PAM: variants seen among roughly 807,000 people sequenced by gnomAD.
PAM encodes the protein peptidylglycine alpha-amidating monooxygenase.
A neutral mutation model predicts 122.1 loss-of-function variants in PAM; 72 were observed. The observed-to-expected ratio is 0.59, with a 90% confidence interval of 0.49 to 0.72. The LOEUF is 0.72. Ranked by LOEUF, PAM falls within the 30% of genes least tolerant of loss-of-function variation. The pLI, the probability that PAM is intolerant of heterozygous loss-of-function variation, is 0.00. For missense variants in PAM, 1,106 were observed against 1,183.7 expected (o/e 0.93, Z 0.96); for synonymous variants, 389 against 404.4 (o/e 0.96, Z 0.46).
chr5:102,871,924 T>G (rs994036821), intron 3 of PAM, among the ~76,000 whole-genome samples: 11 of 151,960 alleles, frequency 7.2e-5, no homozygotes, highest in Non-Finnish European at 1.5e-4. Flanking sequence ...GTTCTTAGCT[T>G]AAGAACTTAC....
chr5:102,885,760 C>T (rs977543210), intron 3 of PAM, among the ~76,000 whole-genome samples: 1 of 151,944 alleles, frequency 6.6e-6, no homozygotes, highest in African/African-American at 2.4e-5. Context: ...TACTATCTAA[C>T]CTTTATTTAA....
At chr5:102,784,990 G>A (rs1176201976) in intron 1 of PAM, among the ~76,000 whole-genome samples, 3 of 152,178 alleles carry the variant, frequency 2.0e-5, no homozygotes, top group South Asian at 2.1e-4. Flanking sequence ...AGCAATGCCC[G>A]CATATAATTG....
rs578211435 is a variant in PAM, at chr5:102,961,620, GA to G, written c.1162+398del. On this transcript the variant is annotated intron_variant, in intron 14 of 25. Coordinates refer to ENST00000438793, the MANE Select transcript of PAM (RefSeq NM_001177306.2). ...TTCATTAAGTAGATTTGAGATTCAAGAAAAAAAGAAATTAAGAATTAAATCC... is the reference window on the plus strand; with the variant it reads ...TTCATTAAGTAGATTTGAGATTCAAGAAAAAAGAAATTAAGAATTAAATCC... Among the ~76,000 whole-genome samples the G allele has an allele frequency of 3.2e-3, 486 of 151,846 alleles. 2 individuals carry two copies. Among genetic ancestry groups the G allele is most frequent in the South Asian group, 0.015 (74 of 4,816 alleles).
chr5:102,996,307 G>A (rs769904923), intron 16 of PAM, among the ~76,000 whole-genome samples: 6 of 152,062 alleles, frequency 3.9e-5, no homozygotes, highest in Non-Finnish European at 8.8e-5. Context: ...AAATGTTCAG[G>A]GTATTATTAT....
At position 102,866,069 on chromosome 5, in the gene PAM, C is replaced by A; in HGVS notation, c.-127C>A. The A allele has an allele frequency of 1.8e-6, 1 of 548,694 alleles. No individual in the cohort carries two copies. The highest frequency in any genetic ancestry group is 3.1e-6 in the Non-Finnish European group (1 of 321,706). The allele number at this position is 548,694 out of a possible 1,614,324, so 34.0% of individuals were successfully genotyped here. A position where few individuals can be genotyped will look rare whatever the true frequency, so the allele number is the denominator to read the frequency against. On this transcript the variant is annotated 5_prime_UTR_variant, in exon 2 of 26. Transcript: ENST00000438793. The stretch of plus-strand genomic sequence containing the variant: ...CTCGCTGGCGGATGGTGTGTGGCCG[C>A]CGCAGGACGCCCGCCGTGCCCGGGC...
intron 14 of PAM, among the ~76,000 whole-genome samples, chr5:102,967,378 AATAAAATT>A (rs2150341377): frequency 6.6e-6 from 1 of 152,334 alleles, no homozygotes; most frequent in East Asian, 1.9e-4. Flanking sequence ...AAAGTTAGGG[AATAAAATT>A]TAAAAATGGG....
intron 22 of PAM, among the ~76,000 whole-genome samples, chr5:103,018,245 T>G (rs1331358676): frequency 6.6e-6 from 1 of 151,938 alleles, no homozygotes; most frequent in Non-Finnish European, 1.5e-5. Context: ...ACAGGTAGTT[T>G]TAGATAAAGG....
intron 1 of PAM, among the ~76,000 whole-genome samples, chr5:102,782,719 C>CTGTGTG (rs1309390837): frequency 1.6e-4 from 24 of 146,030 alleles, no homozygotes; most frequent in African/African-American, 4.3e-4. Context: ...CTCTCTCTCT[C>CTGTGTG]TCTCTCTGTG....
intron 14 of PAM, among the ~76,000 whole-genome samples, chr5:102,964,558 A>C (rs1197882400): frequency 6.6e-6 from 1 of 151,890 alleles, no homozygotes; most frequent in Non-Finnish European, 1.5e-5. Context: ...GTCTGTAGGG[A>C]TTTCTTTAAA....
intron 1 of PAM, among the ~76,000 whole-genome samples, chr5:102,764,556 G>A (rs968577934): frequency 6.6e-6 from 1 of 152,120 alleles, no homozygotes; most frequent in Non-Finnish European, 1.5e-5. Flanking sequence ...GGAATACCAA[G>A]AAGGCCAGTA....
intron 15 of PAM, among the ~76,000 whole-genome samples, chr5:102,980,108 A>C (rs1769250828): frequency 6.6e-6 from 1 of 152,142 alleles, no homozygotes; most frequent in Non-Finnish European, 1.5e-5. Flanking sequence ...ACATGTTCTC[A>C]ACTCCAGATT....
chr5:102,922,297 G>A (rs1161092079), intron 5 of PAM, among the ~76,000 whole-genome samples: 1 of 152,100 alleles, frequency 6.6e-6, no homozygotes, highest in Non-Finnish European at 1.5e-5. Context: ...GGTGGATGGG[G>A]GTCGGAGAAC....
At chr5:102,755,760 A>G (rs1750051970) in intron 1 of PAM, among the ~76,000 whole-genome samples, 1 of 151,732 alleles carries the variant, frequency 6.6e-6, no homozygotes, top group South Asian at 2.1e-4. Context: ...ACGCCTAGAA[A>G]GCCTCCTCGG....
intron 1 of PAM, among the ~76,000 whole-genome samples, chr5:102,759,933 T>G (rs1041136947): frequency 2.6e-5 from 4 of 152,072 alleles, no homozygotes; most frequent in African/African-American, 9.7e-5. Flanking sequence ...ACCGTGGTCA[T>G]AGGAAGAAAT....
At chr5:102,940,115 TACACACACAC>T (rs66466018) in intron 7 of PAM, among the ~76,000 whole-genome samples, 58 of 134,456 alleles carry the variant, frequency 4.3e-4, no homozygotes, top group African/African-American at 1.3e-3. Context: ...TATGTATACA[TACACACACAC>T]ACACACACAC....
At chr5:102,815,680 A>G (rs912442540) in intron 1 of PAM, among the ~76,000 whole-genome samples, 1 of 152,170 alleles carries the variant, frequency 6.6e-6, no homozygotes, top group Non-Finnish European at 1.5e-5. Context: ...GCCAAAAATC[A>G]GCGTATATCT....
chr5:103,018,165 G>A (rs566405606), intron 22 of PAM, among the ~76,000 whole-genome samples: 2 of 152,210 alleles, frequency 1.3e-5, no homozygotes, highest in Non-Finnish European at 2.9e-5. Flanking sequence ...ACATGGCAGG[G>A]CCCAAATAGC....
chr5:102,924,111 A>G (rs1748438666), intron 5 of PAM, among the ~76,000 whole-genome samples: 1 of 152,148 alleles, frequency 6.6e-6, no homozygotes, highest in South Asian at 2.1e-4. Flanking sequence ...CATAAACTCA[A>G]AATGTCATGC....
chr5:102,906,972 A>G (rs1799760130), intron 4 of PAM, among the ~76,000 whole-genome samples: 1 of 151,810 alleles, frequency 6.6e-6, no homozygotes, highest in Admixed American at 6.6e-5. Context: ...TGATTCTTTG[A>G]TATATATCAT....
Sources: gnomAD v4.1 joint callset for allele counts (sites outside exome capture counted in the v4.1 genomes callset) on GRCh38, gnomAD v4.1.1 for gene constraint, MANE v1.5 for transcripts, NCBI Gene and HGNC (gene_info 2026-07-23, HGNC 2026-07-21) for gene names.